SDK1: variants seen among roughly 807,000 people sequenced by gnomAD.
SDK1 encodes the protein protein sidekick-1.
SDK1 carries 157 observed loss-of-function variants against 245.5 expected under a neutral mutation model. The ratio of observed to expected loss-of-function variants is 0.64; its 90% CI spans 0.56 to 0.73. SDK1 has a LOEUF of 0.73. SDK1 is among the 30% of genes least tolerant of loss of function. The pLI is 0.00. For missense variants in SDK1, 3,583 were observed against 3,002.3 expected (o/e 1.19, Z -4.52); for synonymous variants, 1,647 against 1,278.5 (o/e 1.29, Z -6.15).
intron 1 of SDK1, among the ~76,000 whole-genome samples, chr7:3,550,362 A>C (rs1416552463): frequency 3.3e-5 from 5 of 152,284 alleles, no homozygotes. Flanking sequence ...AGATGAATTA[A>C]TATACTCACA....
intron 1 of SDK1, among the ~76,000 whole-genome samples, chr7:3,322,705 G>T (rs927943836): frequency 6.6e-6 from 1 of 152,176 alleles, no homozygotes; most frequent in African/African-American, 2.4e-5. Flanking sequence ...TTCCTTTGCA[G>T]TGTAATCTCT....
intron 1 of SDK1, among the ~76,000 whole-genome samples, chr7:3,589,302 C>A (rs995010675): frequency 6.6e-6 from 1 of 152,144 alleles, no homozygotes; most frequent in Non-Finnish European, 1.5e-5. Context: ...TGGCGTGGGC[C>A]TGTTGACGTC....
At chr7:3,580,859 T>A (rs2128632439) in intron 1 of SDK1, among the ~76,000 whole-genome samples, 1 of 149,686 alleles carries the variant, frequency 6.7e-6, no homozygotes, top group Admixed American at 6.7e-5. Context: ...TCCCAGCTAC[T>A]CGGGAGGCTG....
At chr7:3,837,010 C>G (rs1377914473) in intron 5 of SDK1, among the ~76,000 whole-genome samples, 1 of 152,114 alleles carries the variant, frequency 6.6e-6, no homozygotes, top group East Asian at 1.9e-4. Context: ...TCTGGTGTCT[C>G]TTCCGCTTCT....
chr7:4,103,588 C>T (rs1452303403), intron 22 of SDK1, among the ~76,000 whole-genome samples: 2 of 152,210 alleles, frequency 1.3e-5, no homozygotes, highest in Non-Finnish European at 2.9e-5. Context: ...TTTGGAGCTC[C>T]GTGTAAAGCA....
intron 25 of SDK1, among the ~76,000 whole-genome samples, chr7:4,122,222 A>C (rs1231986123): frequency 6.6e-6 from 1 of 152,174 alleles, no homozygotes; most frequent in African/African-American, 2.4e-5. Flanking sequence ...AGGCCCTCCC[A>C]GGTGCAGCAG....
At chr7:3,486,617 A>C (rs1781703160) in intron 1 of SDK1, among the ~76,000 whole-genome samples, 1 of 152,018 alleles carries the variant, frequency 6.6e-6, no homozygotes, top group Non-Finnish European at 1.5e-5. Flanking sequence ...TGTATGTATG[A>C]TGAAAATGGA....
intron 12 of SDK1, among the ~76,000 whole-genome samples, chr7:3,972,803 C>T (rs1044812355): frequency 9.2e-5 from 14 of 152,258 alleles, no homozygotes; most frequent in African/African-American, 3.1e-4. Flanking sequence ...TGTCGCCACC[C>T]GACTCCCTGG....
intron 1 of SDK1, among the ~76,000 whole-genome samples, chr7:3,464,458 C>T (rs1780927444): frequency 1.3e-5 from 2 of 152,144 alleles, no homozygotes; most frequent in South Asian, 4.1e-4. Context: ...GGGCTCAAGG[C>T]TACAGTGAAC....
chr7:3,760,414 C>A (rs1780064362), intron 4 of SDK1, among the ~76,000 whole-genome samples: 1 of 152,150 alleles, frequency 6.6e-6, no homozygotes, highest in Admixed American at 6.5e-5. Flanking sequence ...TCTTGTGTGA[C>A]TGTCATTAGT....
intron 5 of SDK1, among the ~76,000 whole-genome samples, chr7:3,850,737 C>G (rs1380008538): frequency 6.6e-6 from 1 of 152,044 alleles, no homozygotes; most frequent in Non-Finnish European, 1.5e-5. Context: ...AACCATCATT[C>G]TCAGCAAACT....
intron 1 of SDK1, among the ~76,000 whole-genome samples, chr7:3,400,646 C>A (rs867501068): frequency 3.6e-4 from 55 of 151,996 alleles, no homozygotes; most frequent in African/African-American, 1.1e-3. Context: ...TGGTGGCAGA[C>A]CAAAGGATGG....
At chr7:4,177,439 A>G (rs1177732783) in intron 34 of SDK1, among the ~76,000 whole-genome samples, 4 of 152,166 alleles carry the variant, frequency 2.6e-5, no homozygotes, top group Non-Finnish European at 5.9e-5. Flanking sequence ...TGCCCTAAGG[A>G]GTTCTCTGTG....
At chr7:3,596,956 GA>G (rs1781087446) in intron 1 of SDK1, among the ~76,000 whole-genome samples, 1 of 152,170 alleles carries the variant, frequency 6.6e-6, no homozygotes, top group South Asian at 2.1e-4. Flanking sequence ...GGCCGCCTGT[GA>G]TTGGCCAAAA....
intron 22 of SDK1, among the ~76,000 whole-genome samples, chr7:4,082,238 T>C (rs147424923): frequency 6.6e-6 from 1 of 152,176 alleles, no homozygotes; most frequent in East Asian, 1.9e-4. Flanking sequence ...CTGTATGTCT[T>C]ACTTCAGTGA....
At chr7:3,879,517 C>T (rs77831251) in intron 5 of SDK1, among the ~76,000 whole-genome samples, 7,105 of 152,212 alleles carry the variant, frequency 0.047, 532 homozygotes, top group African/African-American at 0.16. Flanking sequence ...TTCAAGGGGC[C>T]AGGCTGTGCT....
chr7:3,362,187 C>A (rs1780971181), intron 1 of SDK1, among the ~76,000 whole-genome samples: 1 of 152,242 alleles, frequency 6.6e-6, no homozygotes, highest in East Asian at 1.9e-4. Context: ...CCTGGGAGAA[C>A]CCTATATATC....
At chr7:3,924,648 G>T (rs1779707051) in intron 5 of SDK1, among the ~76,000 whole-genome samples, 1 of 152,068 alleles carries the variant, frequency 6.6e-6, no homozygotes, top group Non-Finnish European at 1.5e-5. Context: ...CTTTTTCCTC[G>T]GCCTCCCGGC....
At chr7:4,128,232 G>T (rs528268637) in intron 26 of SDK1, among the ~76,000 whole-genome samples, 3 of 152,156 alleles carry the variant, frequency 2.0e-5, no homozygotes, top group Admixed American at 6.5e-5. Flanking sequence ...GGTTTTGAGC[G>T]TGCCTCCTCC....
Sources: allele counts gnomAD v4.1 joint callset (sites outside exome capture counted in the v4.1 genomes callset), GRCh38; gene constraint gnomAD v4.1.1; transcripts MANE v1.5; gene names NCBI Gene and HGNC (gene_info 2026-07-23, HGNC 2026-07-21).